The following ADCK1 variants were observed in gnomAD, a reference collection of about 807,000 sequenced individuals.
ADCK1 encodes aarF domain-containing protein kinase 1.
A neutral mutation model predicts 52.3 loss-of-function variants in ADCK1; 41 were observed. The ratio of observed to expected loss-of-function variants is 0.78; its 90% CI spans 0.61 to 1.02. The LOEUF (loss-of-function observed/expected upper bound fraction) is 1.02, where lower values mean the gene tolerates loss of function less well. Among genes scored for constraint, ADCK1 ranks in the 50% least tolerant of loss-of-function variants. The pLI is 0.00. For synonymous variants in ADCK1, 250 were observed against 274.6 expected (o/e 0.91, Z 0.89); for missense variants, 658 against 679.5 (o/e 0.97, Z 0.35).
At chr14:77,894,733 C>CTTTTTTTTTT (rs1566710773) in intron 5 of ADCK1, among the ~76,000 whole-genome samples, 1 of 38,404 alleles carries the variant, frequency 2.6e-5, no homozygotes, top group Non-Finnish European at 6.0e-5. Flanking sequence ...CTTTTCTTTT[C>CTTTTTTTTTT]TTGTTTTTTT....
intron 1 of ADCK1, among the ~76,000 whole-genome samples, chr14:77,818,474 G>A (rs1440744801): frequency 2.0e-5 from 3 of 152,156 alleles, no homozygotes; most frequent in Non-Finnish European, 4.4e-5. Context: ...TAGAGACGGG[G>A]TTTCGTCTTG....
chr14:77,825,034 C>T (rs1387544590), intron 3 of ADCK1, among the ~76,000 whole-genome samples: 1 of 152,220 alleles, frequency 6.6e-6, no homozygotes, highest in African/African-American at 2.4e-5. Context: ...CCTTGTTCCT[C>T]AGGTACCCAA....
At chr14:77,871,231 C>A (rs938685669) in intron 4 of ADCK1, among the ~76,000 whole-genome samples, 1 of 152,176 alleles carries the variant, frequency 6.6e-6, no homozygotes, top group Non-Finnish European at 1.5e-5. Flanking sequence ...GCTCTTAAAC[C>A]AGTGGCTACT....
intron 4 of ADCK1, among the ~76,000 whole-genome samples, chr14:77,885,419 G>A (rs17753195): frequency 0.062 from 9,435 of 152,308 alleles, 348 homozygotes; most frequent in Middle Eastern, 0.12. Flanking sequence ...TGACAGAGAA[G>A]CGTAGGCCTT....
At chr14:77,817,941 T>A (rs970392879) in intron 1 of ADCK1, among the ~76,000 whole-genome samples, 1 of 151,582 alleles carries the variant, frequency 6.6e-6, no homozygotes, top group Non-Finnish European at 1.5e-5. Context: ...GGTTTCATCG[T>A]GTTAGCCAGG....
At chr14:77,872,078 C>G (rs1339703041) in intron 4 of ADCK1, among the ~76,000 whole-genome samples, 3 of 152,204 alleles carry the variant, frequency 2.0e-5, no homozygotes, top group Non-Finnish European at 2.9e-5. Context: ...ATGAGGAAAC[C>G]TCGCAGGTCA....
At chr14:77,836,832 G>C (rs2081971586) in intron 3 of ADCK1, among the ~76,000 whole-genome samples, 1 of 139,694 alleles carries the variant, frequency 7.2e-6, no homozygotes, top group South Asian at 2.3e-4. Flanking sequence ...GAAGTGCAAT[G>C]GTGCGATCTT....
chr14:77,912,454 G>T (rs574877716), intron 7 of ADCK1, among the ~76,000 whole-genome samples: 2 of 146,126 alleles, frequency 1.4e-5, no homozygotes, highest in East Asian at 3.9e-4. Context: ...GTGTGTGTGT[G>T]TGTGTGTGTG....
At chr14:77,800,192 G>T (rs979501094) in intron 1 of ADCK1, 22 bp downstream of exon 1, 4 of 152,318 alleles carry the variant, frequency 2.6e-5, no homozygotes, top group African/African-American at 4.8e-5. Context: ...CAGCTCGCCG[G>T]AGGCCGGCGC....
chr14:77,819,153 G>T, intron 2 of ADCK1, 40 bp downstream of exon 2: 2 of 1,612,036 alleles, frequency 1.2e-6, no homozygotes, highest in Non-Finnish European at 1.7e-6. Context: ...GAAGCTGCAG[G>T]ATTACTTGCA....
In ADCK1 at chr14:77,812,965, T is replaced by C. The variant is rs138567671; in HGVS notation, c.-11-6003T>C. Among the ~76,000 whole-genome samples, 333 of 152,162 alleles carry C rather than the reference T, an allele frequency of 2.2e-3. 3 individuals carry two copies. Among genetic ancestry groups the C allele is most frequent in the Non-Finnish European group, 2.6e-3 (175 of 68,010 alleles). Reference sequence around the variant, plus strand: ...AACTGATCCCAGGAGTTGGGAGAGATTGAGCATTTCTGTTTAGGGAAAGAA... The same window carrying C: ...AACTGATCCCAGGAGTTGGGAGAGACTGAGCATTTCTGTTTAGGGAAAGAA... On this transcript the variant is annotated intron_variant, in intron 1 of 10. Coordinates refer to ENST00000238561, the MANE Select transcript of ADCK1 (RefSeq NM_020421.4).
intron 1 of ADCK1, among the ~76,000 whole-genome samples, chr14:77,817,837 G>T (rs970043712): frequency 1.3e-5 from 2 of 151,640 alleles, no homozygotes; most frequent in African/African-American, 2.4e-5. Flanking sequence ...CCGGGTTCAC[G>T]CCATTCTCCT....
chr14:77,929,955 G>T (rs1323779364), intron 9 of ADCK1, among the ~76,000 whole-genome samples: 26 of 152,166 alleles, frequency 1.7e-4, no homozygotes, highest in Non-Finnish European at 4.4e-5. Flanking sequence ...GTGAGCCTGG[G>T]TTCTTTTAAT....
intron 4 of ADCK1, among the ~76,000 whole-genome samples, chr14:77,868,346 C>T (rs1194640835): frequency 6.6e-6 from 1 of 152,206 alleles, no homozygotes; most frequent in Non-Finnish European, 1.5e-5. Flanking sequence ...GATGGAAGCT[C>T]AGTGCCCGGA....
At chr14:77,918,451 C>G (rs1208423365) in intron 7 of ADCK1, among the ~76,000 whole-genome samples, 1 of 152,188 alleles carries the variant, frequency 6.6e-6, no homozygotes, top group African/African-American at 2.4e-5. Context: ...AAAGATGGTG[C>G]ATCCTGTCAT....
intron 1 of ADCK1, among the ~76,000 whole-genome samples, chr14:77,817,909 G>GT (rs554171358): frequency 0.81 from 120,420 of 148,618 alleles, 48,849 homozygotes; most frequent in Middle Eastern, 0.88. Flanking sequence ...CTAATTTTTT[G>GT]TTTTTTTTTT....
intron 5 of ADCK1, 64 bp downstream of exon 5, chr14:77,887,313 C>T: frequency 6.8e-7 from 1 of 1,467,280 alleles, no homozygotes; most frequent in Non-Finnish European, 9.0e-7. Flanking sequence ...TCCAGGCCAC[C>T]TAGGTGGAAC....
intron 5 of ADCK1, among the ~76,000 whole-genome samples, chr14:77,887,670 T>C (rs1023340052): frequency 1.3e-5 from 2 of 152,180 alleles, no homozygotes; most frequent in African/African-American, 2.4e-5. Context: ...AAAAATGACA[T>C]ACAGATCACA....
At position 77,924,548 on chromosome 14, in the gene ADCK1, G is replaced by A. The variant is rs754148232; in HGVS notation, c.950G>A (p.Arg317Gln). The A allele has an allele frequency of 1.7e-5, 28 of 1,613,902 alleles. No homozygotes were observed. The highest frequency in any genetic ancestry group is 1.3e-4 in the East Asian group (6 of 44,892). Residue 317 changes from arginine (R) to glutamine (Q), a missense_variant, in exon 8 of 11, where the codon CGG (arginine) becomes CAG (glutamine). By Grantham distance (43) the Arg-to-Gln change is conservative. Transcript: ENST00000238561. The part of the protein sequence containing the change: ...CDPHPGNVLV[R>Q]KHPGTGKAEI... ...CCCCACCCCGGCAATGTACTGGTGC[G>A]GAAGCACCCCGGCACGGGAAAGGCG...
Sources: gnomAD v4.1 joint callset for allele counts (sites outside exome capture counted in the v4.1 genomes callset) on GRCh38, gnomAD v4.1.1 for gene constraint, MANE v1.5 for transcripts, NCBI Gene and HGNC (gene_info 2026-07-23, HGNC 2026-07-21) for gene names.